IL1RAP: variants seen among roughly 807,000 people sequenced by gnomAD.
IL1RAP encodes interleukin 1 receptor accessory protein.
IL1RAP carries 35 observed loss-of-function variants against 60.7 expected under a neutral mutation model. That is an observed-to-expected ratio of 0.58 (90% CI 0.44 to 0.76). The LOEUF (loss-of-function observed/expected upper bound fraction) is 0.76. IL1RAP is among the 30% of genes least tolerant of loss of function. The pLI is 0.00. For synonymous variants in IL1RAP, 268 were observed against 250.9 expected (o/e 1.07, Z -0.64); for missense variants, 572 against 693.9 (o/e 0.82, Z 1.97).
intron 1 of IL1RAP, among the ~76,000 whole-genome samples, chr3:190,516,938 C>A (rs1721576246): frequency 6.6e-6 from 1 of 152,170 alleles, no homozygotes; most frequent in South Asian, 2.1e-4. Flanking sequence ...GAATACAGTT[C>A]ACACCTTTTC....
intron 9 of IL1RAP, among the ~76,000 whole-genome samples, chr3:190,641,723 C>T (rs1199025581): frequency 6.6e-6 from 1 of 152,104 alleles, no homozygotes; most frequent in African/African-American, 2.4e-5. Context: ...CCAGCAACAA[C>T]CTCCACCCCC....
intron 3 of IL1RAP, among the ~76,000 whole-genome samples, chr3:190,588,198 C>T (rs1728632098): frequency 6.6e-6 from 1 of 152,182 alleles, no homozygotes; most frequent in Non-Finnish European, 1.5e-5. Context: ...ACTGCAACCT[C>T]TGCCTCCTGG....
intron 1 of IL1RAP, among the ~76,000 whole-genome samples, chr3:190,521,880 G>A (rs143001237): frequency 3.9e-5 from 6 of 152,088 alleles, no homozygotes; most frequent in African/African-American, 1.4e-4. Flanking sequence ...CTGTATCACC[G>A]TTAATCTCCA....
In IL1RAP at chr3:190,649,665, G is replaced by A. The variant is rs1241472201; in HGVS notation, c.*960G>A. 23 of 985,674 alleles carry A rather than the reference G, an allele frequency of 2.3e-5. No individual in the cohort carries two copies. The highest frequency in any genetic ancestry group is 1.1e-4 in the East Asian group (1 of 8,820). The allele number at this position is 985,674 out of a possible 1,614,324, so 61.1% of individuals were successfully genotyped here. ...CTGGGAAAGTGATTTTTTCTCACTC[G>A]TTTTTGTTGCTCCATTGTAAAGGGC... On this transcript the variant is annotated 3_prime_UTR_variant, in exon 12 of 12. Coordinates refer to ENST00000447382, the MANE Select transcript of IL1RAP (RefSeq NM_002182.4).
Position 190,573,179 on chromosome 3 carries a change from G to GA in IL1RAP, c.64+8833dup, listed in dbSNP as rs1253256675. 5.3e-5 allele frequency among the ~76,000 whole-genome samples: 8 copies of GA among 152,126 alleles called. No homozygotes were observed. In the East Asian group the frequency reaches 1.4e-3, roughly 26 times the overall value. ...TTGTTAATCAGGATACTTTTATTCT[G>GA]AAAAAAAGTGTACAGCAGAGATGGT... On this transcript the variant is annotated intron_variant, in intron 3 of 11. Coordinates refer to ENST00000447382, the MANE Select transcript of IL1RAP (RefSeq NM_002182.4).
intron 11 of IL1RAP, 52 bp downstream of exon 11, chr3:190,645,894 TC>T: frequency 6.6e-7 from 1 of 1,518,238 alleles, no homozygotes; most frequent in Non-Finnish European, 9.0e-7. Flanking sequence ...GCAGACAGAA[TC>T]ATTAGTTTTG....
intron 9 of IL1RAP, among the ~76,000 whole-genome samples, chr3:190,643,535 T>C (rs376429285): frequency 6.6e-6 from 1 of 151,870 alleles, no homozygotes; most frequent in East Asian, 1.9e-4. Flanking sequence ...GCCTAAAATA[T>C]AAAAAATAAG....
chr3:190,627,568 C>A lies in IL1RAP; in HGVS notation c.902+119C>A, dbSNP rs1014544030. ...ATTTTTCCCTATCACTAACAAAAAT[C>A]GGCAAGATTTTCAAATCTTTGGTGA... On this transcript the variant is annotated intron_variant, in intron 8 of 11. Transcript: ENST00000447382. 33 of 1,303,198 alleles carry A rather than the reference C, an allele frequency of 2.5e-5. No individual in the cohort carries two copies. In the East Asian group the frequency reaches 8.1e-4, roughly 32 times the overall value. The allele number at this position is 1,303,198 out of a possible 1,614,324, so 80.7% of individuals were successfully genotyped here. A position where few individuals can be genotyped will look rare whatever the true frequency, so the allele number is the denominator to read the frequency against.
intron 5 of IL1RAP, among the ~76,000 whole-genome samples, chr3:190,609,418 A>G (rs1021416807): frequency 2.6e-5 from 4 of 152,156 alleles, no homozygotes; most frequent in Non-Finnish European, 4.4e-5. Context: ...GAATACCAAA[A>G]CTACCTTATT....
chr3:190,579,073 A>G (rs1035346), intron 3 of IL1RAP, among the ~76,000 whole-genome samples: 56,006 of 152,062 alleles, frequency 0.37, 10,636 homozygotes, highest in East Asian at 0.51. Context: ...TCATTTAAAC[A>G]TATCTCTTTG....
At chr3:190,617,138 A>G (rs1233978501) in intron 5 of IL1RAP, among the ~76,000 whole-genome samples, 1 of 152,058 alleles carries the variant, frequency 6.6e-6, no homozygotes, top group African/African-American at 2.4e-5. Context: ...AAGTTTTTCT[A>G]AGTTGTTTTG....
rs139410862 is a variant in IL1RAP, at chr3:190,622,648, A to G, written c.704-696A>G. On this transcript the variant is annotated intron_variant, in intron 6 of 11. Transcript: ENST00000447382. ...TACCCTTACTTTGTTATTATAGAAAATATTATAAAGGATTCAAATGAACAT... is the reference window on the plus strand; with the variant it reads ...TACCCTTACTTTGTTATTATAGAAAGTATTATAAAGGATTCAAATGAACAT... Among the ~76,000 whole-genome samples, 85 of 152,336 alleles carry G rather than the reference A, an allele frequency of 5.6e-4. 1 individual carries two copies. The East Asian group carries it at 0.015, about 27-fold the overall frequency.
chr3:190,539,130 T>G (rs1412593794), intron 1 of IL1RAP, among the ~76,000 whole-genome samples: 1 of 152,134 alleles, frequency 6.6e-6, no homozygotes, highest in Non-Finnish European at 1.5e-5. Context: ...GGATTACAGC[T>G]TTCAGAAAGA....
At chr3:190,557,640 T>TG (rs1281732604) in intron 2 of IL1RAP, among the ~76,000 whole-genome samples, 1 of 152,200 alleles carries the variant, frequency 6.6e-6, no homozygotes, top group Non-Finnish European at 1.5e-5. Context: ...GAATATTCAG[T>TG]GCTTAATGAC....
At chr3:190,562,691 C>T (rs1326601656) in intron 2 of IL1RAP, among the ~76,000 whole-genome samples, 4 of 99,290 alleles carry the variant, frequency 4.0e-5, no homozygotes, top group African/African-American at 1.7e-4. Context: ...AAACATATCT[C>T]GTCCACACAC....
At chr3:190,581,912 C>T (rs780990736) in intron 3 of IL1RAP, among the ~76,000 whole-genome samples, 2 of 152,002 alleles carry the variant, frequency 1.3e-5, no homozygotes, top group East Asian at 1.9e-4. Context: ...TGCTATTCAC[C>T]GTGACTCACA....
intron 1 of IL1RAP, among the ~76,000 whole-genome samples, chr3:190,549,022 T>C (rs1476451064): frequency 6.6e-6 from 1 of 152,168 alleles, no homozygotes. Context: ...TCCTTAGGGT[T>C]CTTTTCACGT....
At chr3:190,654,534 CA>C (rs1432468128), downstream of IL1RAP, among the ~76,000 whole-genome samples, 1 of 152,156 alleles carries the variant, frequency 6.6e-6, no homozygotes, top group Non-Finnish European at 1.5e-5. Context: ...TTAAACCAAT[CA>C]AAAGTTCTCA....
chr3:190,551,246 GA>G, intron 1 of IL1RAP, among the ~76,000 whole-genome samples: 1 of 152,314 alleles, frequency 6.6e-6, no homozygotes, highest in Admixed American at 6.5e-5. Context: ...TCTGCAAGTT[GA>G]GCTTGACTCC....
Sources: allele counts gnomAD v4.1 joint callset (sites outside exome capture counted in the v4.1 genomes callset), GRCh38; gene constraint gnomAD v4.1.1; transcripts MANE v1.5; gene names NCBI Gene and HGNC (gene_info 2026-07-23, HGNC 2026-07-21).